RANBP2: variants seen among roughly 807,000 people sequenced by gnomAD.
RANBP2 encodes RAN binding protein 2, also known as E3 SUMO-protein ligase RanBP2.
Under a neutral mutation model 303.6 loss-of-function variants are expected in RANBP2, and 57 were observed. That is an observed-to-expected ratio of 0.19 (90% confidence interval 0.15 to 0.23). The LOEUF (loss-of-function observed/expected upper bound fraction) is 0.23. RANBP2 is among the 10% of genes least tolerant of loss of function. RANBP2 has a pLI of 1.00. For synonymous variants in RANBP2, 1,167 were observed against 1,301.5 expected (o/e 0.90, Z 2.23); for missense variants, 3,138 against 3,780.8 (o/e 0.83, Z 4.46).
At chr2:108,930,202 CA>C in the RANBP2 span, 2 of 1,614,128 alleles carry the variant, frequency 1.2e-6, no homozygotes, top group Non-Finnish European at 1.7e-6. Context: ...GTTCTCACCG[CA>C]GTTTGAGTAT....
the RANBP2 span, among the ~76,000 whole-genome samples, chr2:109,298,868 A>T: frequency 7.9e-3 from 1,211 of 152,332 alleles, 12 homozygotes; most frequent in East Asian, 0.037. Context: ...AACAGTGACC[A>T]GAGTGATCCT....
chr2:109,747,372 A>T, the RANBP2 span, among the ~76,000 whole-genome samples: 1 of 142,630 alleles, frequency 7.0e-6, no homozygotes, highest in Middle Eastern at 3.5e-3. Context: ...ATTCGTTTTG[A>T]GGTATAAAAT....
the RANBP2 span, among the ~76,000 whole-genome samples, chr2:108,809,477 TG>T: frequency 5.3e-5 from 8 of 151,928 alleles, no homozygotes; most frequent in Admixed American, 2.0e-4. Context: ...TGTGTGTGTG[TG>T]TGTGTGTGTG....
At chr2:108,831,445 A>T in the RANBP2 span, among the ~76,000 whole-genome samples, 1 of 152,220 alleles carries the variant, frequency 6.6e-6, no homozygotes, top group Non-Finnish European at 1.5e-5. Context: ...TTGGATTAAG[A>T]ATATAAATAC....
At chr2:109,389,287 C>T in the RANBP2 span, among the ~76,000 whole-genome samples, 1 of 152,222 alleles carries the variant, frequency 6.6e-6, no homozygotes, top group Non-Finnish European at 1.5e-5. Context: ...ATCAGGTTCA[C>T]ACCCTGTGCA....
intron 7 of RANBP2, among the ~76,000 whole-genome samples, chr2:108,741,041 G>A (rs1015817102): frequency 3.3e-5 from 5 of 152,152 alleles, no homozygotes; most frequent in Non-Finnish European, 7.3e-5. Context: ...ATCTTAATAA[G>A]TAGATGTAGG....
the RANBP2 span, among the ~76,000 whole-genome samples, chr2:109,104,483 T>C: frequency 6.8e-6 from 1 of 146,590 alleles, no homozygotes; most frequent in South Asian, 2.1e-4. Context: ...TTGGTTGTTT[T>C]ATGTTTCTTT....
At chr2:109,032,192 G>T in the RANBP2 span, among the ~76,000 whole-genome samples, 1 of 152,034 alleles carries the variant, frequency 6.6e-6, no homozygotes, top group Non-Finnish European at 1.5e-5. Flanking sequence ...TAGATCTTTG[G>T]AGATTTCTTT....
At chr2:108,997,194 C>A in the RANBP2 span, among the ~76,000 whole-genome samples, 2 of 152,038 alleles carry the variant, frequency 1.3e-5, no homozygotes, top group South Asian at 2.1e-4. Flanking sequence ...GTAATCCCAG[C>A]ACTTTGGGAG....
At chr2:109,201,472 CTCT>C in the RANBP2 span, among the ~76,000 whole-genome samples, 2 of 152,184 alleles carry the variant, frequency 1.3e-5, no homozygotes, top group Non-Finnish European at 2.9e-5. Flanking sequence ...ACCTCTCTCT[CTCT>C]TATCTCTCTC....
At chr2:108,853,562 T>G in the RANBP2 span, among the ~76,000 whole-genome samples, 3 of 150,786 alleles carry the variant, frequency 2.0e-5, no homozygotes, top group East Asian at 5.8e-4. Flanking sequence ...GATCTCACGC[T>G]ATCACTCAGG....
chr2:109,352,186 A>G, the RANBP2 span, among the ~76,000 whole-genome samples: 2 of 152,218 alleles, frequency 1.3e-5, no homozygotes, highest in Non-Finnish European at 2.9e-5. Flanking sequence ...AGGCATTCCA[A>G]TAAATATTTG....
the RANBP2 span, chr2:108,930,110 G>C: frequency 6.2e-7 from 1 of 1,612,170 alleles, no homozygotes; most frequent in Non-Finnish European, 8.5e-7. Flanking sequence ...CAGGAGGGCT[G>C]GGTCCTTACC....
the RANBP2 span, chr2:109,619,080 CAGTTTATTTG>C: frequency 6.0e-6 from 1 of 165,576 alleles, no homozygotes; most frequent in South Asian, 2.1e-4. Context: ...TTTGAAGTTT[CAGTTTATTTG>C]ACCCTTTTCC....
the RANBP2 span, among the ~76,000 whole-genome samples, chr2:109,601,168 C>G: frequency 6.6e-6 from 1 of 152,218 alleles, no homozygotes; most frequent in Non-Finnish European, 1.5e-5. Context: ...TCTCCCTTTC[C>G]TAGAGACTGG....
chr2:109,400,401 T>TATACAC, the RANBP2 span, among the ~76,000 whole-genome samples: 1 of 151,910 alleles, frequency 6.6e-6, no homozygotes. Flanking sequence ...TGCACGCACA[T>TATACAC]ATACACATAT....
the RANBP2 span, among the ~76,000 whole-genome samples, chr2:108,814,659 T>A: frequency 6.6e-6 from 1 of 151,224 alleles, no homozygotes; most frequent in Admixed American, 6.6e-5. Context: ...TTTTTTAATT[T>A]ATTAATATTT....
intron 7 of RANBP2, among the ~76,000 whole-genome samples, chr2:108,743,020 A>T (rs2149176329): frequency 6.6e-6 from 1 of 152,284 alleles, no homozygotes; most frequent in South Asian, 2.1e-4. Context: ...CGATCTCCTG[A>T]CCTCATGATC....
At position 108,784,023 on chromosome 2, in the gene RANBP2, T is replaced by C. The variant is rs899757681; in HGVS notation, c.*122T>C. ...ACGTTTCCGATTTACAAATGTAAAA[T>C]TGCAGCTTATAGCTGTTGTCACTTT... On this transcript the variant is annotated 3_prime_UTR_variant, in exon 29 of 29. Coordinates refer to ENST00000283195, the MANE Select transcript of RANBP2 (RefSeq NM_006267.5). 1.0e-6 allele frequency: 1 copy of C among 952,870 alleles called. No homozygotes were observed. Among genetic ancestry groups the C allele is most frequent in the African/African-American group, 1.6e-5 (1 of 60,724 alleles). The allele number at this position is 952,870 out of a possible 1,614,324, so 59.0% of individuals were successfully genotyped here. A position where few individuals can be genotyped will look rare whatever the true frequency, so the allele number is the denominator to read the frequency against.
Sources: allele counts gnomAD v4.1 joint callset (sites outside exome capture counted in the v4.1 genomes callset), GRCh38; gene constraint gnomAD v4.1.1; transcripts MANE v1.5; gene names NCBI Gene and HGNC (gene_info 2026-07-23, HGNC 2026-07-21).